TNFAIP8L1: variants seen among roughly 807,000 people sequenced by gnomAD.
TNFAIP8L1 encodes the protein TNF alpha induced protein 8 like 1.
For synonymous variants in TNFAIP8L1, 127 were observed against 125.6 expected, an observed-to-expected ratio of 1.01 and a Z score of -0.08; for missense variants, 225 against 266.1, an observed-to-expected ratio of 0.85 and a Z score of 1.08.
At chr19:4,644,979 C>T (rs891206837) in intron 1 of TNFAIP8L1, among the ~76,000 whole-genome samples, 1 of 152,162 alleles carries the variant, frequency 6.6e-6, no homozygotes, top group Non-Finnish European at 1.5e-5. Context: ...TCACTGGCCT[C>T]GGCGGGAAGA....
chr19:4,650,902 T>C (rs758862271), intron 1 of TNFAIP8L1, among the ~76,000 whole-genome samples: 15 of 152,120 alleles, frequency 9.9e-5, no homozygotes, highest in Non-Finnish European at 1.8e-4. Context: ...GAGAATGGCG[T>C]GAGCCCAGGA....
At chr19:4,646,290 C>CTT (rs747890576) in intron 1 of TNFAIP8L1, among the ~76,000 whole-genome samples, 1 of 135,448 alleles carries the variant, frequency 7.4e-6, no homozygotes, top group South Asian at 2.4e-4. Context: ...GCCCGGCCGA[C>CTT]TTTTTTTTTT....
chr19:4,652,258 C>A lies in TNFAIP8L1; in HGVS notation c.389C>A (p.Ala130Asp). 1 of 1,560,464 alleles carries A rather than the reference C, an allele frequency of 6.4e-7. No individual in the cohort carries two copies. The highest frequency in any genetic ancestry group is 8.6e-7 in the Non-Finnish European group (1 of 1,156,428). ...LLECRDLLHQAVGPHLTAKSH... is the reference protein window; with the variant it reads ...LLECRDLLHQDVGPHLTAKSH... ...GAGTGCCGCGACCTGCTGCACCAGG[C>A]CGTGGGTCCCCACCTGACCGCCAAG... is the stretch of plus-strand genomic sequence containing the variant. Residue 130 changes from alanine to aspartate, a missense_variant, in exon 2 of 2, where the codon GCC becomes GAC. Ala to Asp is a moderately radical substitution (Grantham distance 126, BLOSUM62 -2). Transcript: ENST00000327473.
rs1333009148 is a variant in TNFAIP8L1 at position 4,652,145 on chromosome 19, C to T, written c.276C>T (p.His92=). ...EELALLRRFR[H]RARCLAMTAV... ...TGGCGCTGCTGCGGCGCTTCCGCCACCGGGCGCGCTGCCTGGCCATGACGG... is the reference window on the plus strand; with the variant it reads ...TGGCGCTGCTGCGGCGCTTCCGCCATCGGGCGCGCTGCCTGGCCATGACGG... The change falls in exon 2 of 2, where the codon CAC becomes CAT. Residue 92 remains histidine, a synonymous_variant. Transcript: ENST00000327473. 2 of 1,565,498 alleles carry T rather than the reference C, an allele frequency of 1.3e-6. No homozygotes were observed.
chr19:4,648,390 G>A (rs1315746986), intron 1 of TNFAIP8L1, among the ~76,000 whole-genome samples: 1 of 152,232 alleles, frequency 6.6e-6, no homozygotes, highest in Non-Finnish European at 1.5e-5. Context: ...CTGTTCCCCT[G>A]GGAGAGCAGT....
chr19:4,652,277 C>T lies in TNFAIP8L1; in HGVS notation c.408C>T (p.Thr136=), dbSNP rs1007125411. The T allele has an allele frequency of 8.9e-6, 14 of 1,565,296 alleles. No individual in the cohort carries two copies. The highest frequency in any genetic ancestry group is 1.1e-5 in the Non-Finnish European group (13 of 1,158,628). The change falls in exon 2 of 2, where the codon ACC becomes ACT. Residue 136 remains threonine, a synonymous_variant. Coordinates refer to ENST00000327473, the MANE Select transcript of TNFAIP8L1 (RefSeq NM_152362.3). ...ACCAGGCCGTGGGTCCCCACCTGAC[C>T]GCCAAGTCCCACGGCCGCATCAACC... ...LLHQAVGPHL[T]AKSHGRINHV... is the part of the protein sequence containing the mutation.
rs1315986712 is a variant in TNFAIP8L1, at chr19:4,655,181, C to T, written c.*2751C>T. ...CACAGTCCTCTCCACTCCCTTTCGC[C>T]TCTCCCTGGCCTGCTGCACTCACTG... is the stretch of plus-strand genomic sequence containing the variant. On this transcript the variant is annotated 3_prime_UTR_variant, in exon 2 of 2. Coordinates refer to ENST00000327473, the MANE Select transcript of TNFAIP8L1 (RefSeq NM_152362.3). 6.6e-6 allele frequency: 1 copy of T among 152,398 alleles called. No homozygotes were observed. Among genetic ancestry groups the T allele is most frequent in the African/African-American group, 2.4e-5 (1 of 41,460 alleles). The allele number at this position is 152,398 out of a possible 1,614,324, so 9.4% of individuals were successfully genotyped here.
intron 1 of TNFAIP8L1, among the ~76,000 whole-genome samples, chr19:4,647,402 G>A (rs1428774699): frequency 4.6e-5 from 7 of 151,698 alleles, no homozygotes; most frequent in African/African-American, 1.2e-4. Context: ...TCCACCTCCC[G>A]GGTTCAAATG....
rs1399714232 is a variant in TNFAIP8L1 at position 4,650,980 on chromosome 19, T to A, written c.-3-887T>A. 2.1e-5 allele frequency among the ~76,000 whole-genome samples: 3 copies of A among 144,998 alleles called. No individual in the cohort carries two copies. The East Asian group carries it at 5.9e-4, about 29-fold the overall frequency. On this transcript the variant is annotated intron_variant, in intron 1 of 1. Coordinates refer to ENST00000327473, the MANE Select transcript of TNFAIP8L1 (RefSeq NM_152362.3). ...GCCTGGGCGACAGAGGGAGATTCCA[T>A]CTCAAAAAATAGTAATAATAATAAT...
intron 1 of TNFAIP8L1, chr19:4,640,753 C>G (rs2088252813): frequency 2.6e-5 from 4 of 152,360 alleles, no homozygotes; most frequent in Admixed American, 2.6e-4. Flanking sequence ...CTCTCAGGGC[C>G]TTTGCATGGG....
intron 1 of TNFAIP8L1, among the ~76,000 whole-genome samples, chr19:4,646,873 G>A (rs901486352): frequency 3.3e-5 from 5 of 152,128 alleles, no homozygotes; most frequent in Admixed American, 6.5e-5. Context: ...CTTGTGATCC[G>A]CCCGCCTCGG....
rs1375414171 is a variant in TNFAIP8L1, at chr19:4,651,913, A to G, written c.44A>G (p.Lys15Arg). Residue 15 changes from lysine to arginine, a missense_variant, in exon 2 of 2, where the codon AAG becomes AGG. Coordinates refer to ENST00000327473, the MANE Select transcript of TNFAIP8L1 (RefSeq NM_152362.3). ...AAGAGCCTGGCTCTGCAGGCGCAGA[A>G]GAAGCTCCTGAGTAAGATGGCGTCC... Reference protein sequence around the residue: ...STKSLALQAQKKLLSKMASKA... With the variant: ...STKSLALQAQRKLLSKMASKA... 1.2e-6 allele frequency: 2 copies of G among 1,612,616 alleles called. No homozygotes were observed. Among genetic ancestry groups the G allele is most frequent in the Non-Finnish European group, 1.7e-6 (2 of 1,178,776 alleles).
chr19:4,647,903 C>T (rs1203352234), intron 1 of TNFAIP8L1, among the ~76,000 whole-genome samples: 1 of 152,054 alleles, frequency 6.6e-6, no homozygotes, highest in African/African-American at 2.4e-5. Context: ...GTTGGGATTA[C>T]AGGTGTGAGC....
rs1055314171 is a variant in TNFAIP8L1, at chr19:4,653,597, A to G, written c.*1167A>G. The G allele has an allele frequency of 7.8e-5, 12 of 153,034 alleles. No individual in the cohort carries two copies. The highest frequency in any genetic ancestry group is 1.6e-4 in the Non-Finnish European group (11 of 67,872). The allele number at this position is 153,034 out of a possible 1,614,324, so 9.5% of individuals were successfully genotyped here. ...TGGTGAAACCCCGTCTCTACTAAAA[A>G]TACAAAAATTAGCCGGGCATGGTGT... On this transcript the variant is annotated 3_prime_UTR_variant, in exon 2 of 2. Coordinates refer to ENST00000327473, the MANE Select transcript of TNFAIP8L1 (RefSeq NM_152362.3).
Position 4,645,979 on chromosome 19 carries a change from G to A in TNFAIP8L1, c.-3-5888G>A, listed in dbSNP as rs927865661. ...TGCCCTTTGCCTGGAGCATCTTCCC[G>A]CAGACCCTGTCATTGCAGGCCCAGT... On this transcript the variant is annotated intron_variant, in intron 1 of 1. Transcript: ENST00000327473. The surrounding 1 kb of genome is among the most constrained non-coding windows in gnomAD (Gnocchi z 4.1). Among the ~76,000 whole-genome samples the A allele has an allele frequency of 5.3e-5, 8 of 152,118 alleles. No individual in the cohort carries two copies. The East Asian group carries it at 5.8e-4, about 11-fold the overall frequency.
chr19:4,651,009 AAAAT>A (rs1264829556), intron 1 of TNFAIP8L1, among the ~76,000 whole-genome samples: 1 of 151,616 alleles, frequency 6.6e-6, no homozygotes. Context: ...TAATAATAAT[AAAAT>A]AAATAAATAA....
rs1319608513 is a variant in TNFAIP8L1 at position 4,655,266 on chromosome 19, C to G, written c.*2836C>G. On this transcript the variant is annotated 3_prime_UTR_variant, in exon 2 of 2. Transcript: ENST00000327473. ...TCCCGTGGTTCGGTTTTTGCTTCCG[C>G]GAAAAAGCCAAAGGCCTTGGCCAGA... 1 of 152,244 alleles carries G rather than the reference C, an allele frequency of 6.6e-6. No individual in the cohort carries two copies. Among genetic ancestry groups the G allele is most frequent in the Non-Finnish European group, 1.5e-5 (1 of 68,070 alleles). The allele number at this position is 152,244 out of a possible 1,614,324, so 9.4% of individuals were successfully genotyped here.
chr19:4,651,335 A>G (rs748276233), intron 1 of TNFAIP8L1, among the ~76,000 whole-genome samples: 6 of 152,052 alleles, frequency 3.9e-5, no homozygotes, highest in Non-Finnish European at 8.8e-5. Context: ...TAATAAATAC[A>G]AAATAAAATT....
In TNFAIP8L1 at chr19:4,652,638, G is replaced by C; in HGVS notation, c.*208G>C. 1 of 533,092 alleles carries C rather than the reference G, an allele frequency of 1.9e-6. No individual in the cohort carries two copies. Among genetic ancestry groups the C allele is most frequent in the South Asian group, 3.6e-5 (1 of 27,684 alleles). The allele number at this position is 533,092 out of a possible 1,614,324, so 33.0% of individuals were successfully genotyped here. ...AACACCAATGTCACCTCTCCTCCTG[G>C]CCCCCGCCCAATGGGGAGAGGAATT... is the stretch of plus-strand genomic sequence containing the variant. On this transcript the variant is annotated 3_prime_UTR_variant, in exon 2 of 2. Coordinates refer to ENST00000327473, the MANE Select transcript of TNFAIP8L1 (RefSeq NM_152362.3).
Sources: allele counts gnomAD v4.1 joint callset (sites outside exome capture counted in the v4.1 genomes callset), GRCh38; gene constraint gnomAD v4.1.1; non-coding constraint Gnocchi (gnomAD v3.1); transcripts MANE v1.5; gene names NCBI Gene and HGNC (gene_info 2026-07-23, HGNC 2026-07-21).